PPIL3: variants seen among roughly 807,000 people sequenced by gnomAD.
PPIL3 encodes peptidylprolyl isomerase like 3.
In PPIL3, 13 loss-of-function variants were observed where a neutral mutation model predicts 20.9. That is an observed-to-expected ratio of 0.62 (90% CI 0.40 to 0.99). PPIL3 has a LOEUF of 0.99. Among genes scored for constraint, PPIL3 ranks in the 50% least tolerant of loss-of-function variants. The pLI is 0.00. For synonymous variants in PPIL3, 71 were observed against 64.4 expected (o/e 1.10, Z -0.49); for missense variants, 170 against 195.2 (o/e 0.87, Z 0.77).
intron 1 of PPIL3, chr2:200,888,562 G>A (rs553299921): frequency 2.2e-5 from 4 of 184,592 alleles, no homozygotes; most frequent in African/African-American, 9.5e-5. Context: ...TATGTCGCCA[G>A]GCTGGAGTGC....
intron 5 of PPIL3, among the ~76,000 whole-genome samples, chr2:200,877,772 T>C (rs1490033311): frequency 1.3e-5 from 2 of 152,166 alleles, no homozygotes; most frequent in Non-Finnish European, 2.9e-5. Flanking sequence ...AAATATATAT[T>C]TTTTAACTAA....
intron 6 of PPIL3, among the ~76,000 whole-genome samples, chr2:200,873,276 C>T (rs947270082): frequency 6.6e-6 from 1 of 151,336 alleles, no homozygotes; most frequent in African/African-American, 2.4e-5. Flanking sequence ...TCATTGTAGC[C>T]TCTTCCTTCA....
chr2:200,886,194 C>T (rs1453590449), intron 2 of PPIL3, among the ~76,000 whole-genome samples: 2 of 152,074 alleles, frequency 1.3e-5, no homozygotes. Context: ...CACCATTTTC[C>T]TTAGGTAATT....
At chr2:200,885,451 A>C in intron 3 of PPIL3, 2 of 405,950 alleles carry the variant, frequency 4.9e-6, no homozygotes, top group South Asian at 6.8e-5. Flanking sequence ...TTCCTGAAGA[A>C]AATTAGTTCA....
intron 6 of PPIL3, among the ~76,000 whole-genome samples, chr2:200,873,398 C>T (rs1470745422): frequency 6.6e-6 from 1 of 151,902 alleles, no homozygotes; most frequent in Non-Finnish European, 1.5e-5. Context: ...CCACATTGGC[C>T]AGGCTGGTCT....
Position 200,876,981 on chromosome 2 carries a change from A to T in PPIL3, c.297T>A (p.Ser99=). 6.2e-7 allele frequency: 1 copy of T among 1,614,008 alleles called. No homozygotes were observed. Among genetic ancestry groups the T allele is most frequent in the Non-Finnish European group, 8.5e-7 (1 of 1,179,844 alleles). Residue 99 remains serine (S), a synonymous_variant, in exon 6 of 7, where the codon TCT becomes TCA. Transcript: ENST00000392283. Reference sequence around the variant, plus strand: ...GTTTGCCATAGGTGATGAAGAACTGAGATCCATTGGTGTTCGGGCCATTAT... The same window carrying T: ...GTTTGCCATAGGTGATGAAGAACTGTGATCCATTGGTGTTCGGGCCATTAT... The part of the protein sequence containing the change: ...MANNGPNTNG[S]QFFITYGKQP...
At chr2:200,882,107 G>C (rs868360121) in intron 4 of PPIL3, among the ~76,000 whole-genome samples, 6 of 152,180 alleles carry the variant, frequency 3.9e-5, no homozygotes, top group African/African-American at 1.4e-4. Context: ...GCATTAGGAC[G>C]AATAGCTAAT....
intron 4 of PPIL3, 81 bp downstream of exon 4, chr2:200,882,260 AC>A: frequency 2.2e-6 from 2 of 922,444 alleles, no homozygotes; most frequent in Non-Finnish European, 3.5e-6. Context: ...CAAAAACTCC[AC>A]GTATTTAATT....
At chr2:200,888,668 G>GGC (rs2040069331) in intron 1 of PPIL3, 2 of 265,756 alleles carry the variant, frequency 7.5e-6, no homozygotes, top group Non-Finnish European at 1.5e-5. Flanking sequence ...TGGGACTACA[G>GGC]GCGCGCGCTA....
rs890120342 is a variant in PPIL3, at chr2:200,882,204, G to A, written c.172+138C>T. The stretch of plus-strand genomic sequence containing the variant: ...ATATACCTATGTAACAAACCTGCAT[G>A]TTCTGTACTTGTAGAACAGAACTTA... On this transcript the variant is annotated intron_variant, in intron 4 of 6. Transcript: ENST00000392283. 3 of 652,290 alleles carry A rather than the reference G, an allele frequency of 4.6e-6. No individual in the cohort carries two copies. In the African/African-American group the frequency reaches 5.4e-5, roughly 12 times the overall value. The allele number at this position is 652,290 out of a possible 1,614,324, so 40.4% of individuals were successfully genotyped here.
At chr2:200,881,827 TG>T (rs201203266) in intron 4 of PPIL3, 13,160 of 266,544 alleles carry the variant, frequency 0.049, 480 homozygotes, top group South Asian at 0.079. Context: ...AGCACAATAT[TG>T]TTCACATTTT....
Position 200,875,374 on chromosome 2 carries a change from T to G in PPIL3, c.359+1545A>C, listed in dbSNP as rs539998267. 9.2e-5 allele frequency among the ~76,000 whole-genome samples: 14 copies of G among 152,122 alleles called. 1 individual carries two copies. Among genetic ancestry groups the G allele is most frequent in the African/African-American group, 3.4e-4 (14 of 41,484 alleles). ...TCTCCACCTCCAGGGTTCAAGCCAT[T>G]CTCCTGCCTCAGCTTCCTGAGTAGC... On this transcript the variant is annotated intron_variant, in intron 6 of 6. Coordinates refer to ENST00000392283, the MANE Select transcript of PPIL3 (RefSeq NM_130906.3).
intron 5 of PPIL3, among the ~76,000 whole-genome samples, chr2:200,877,324 C>G (rs954686391): frequency 2.0e-5 from 3 of 152,212 alleles, no homozygotes; most frequent in African/African-American, 7.2e-5. Context: ...CAACTTCTCT[C>G]TATTAGGGAT....
At chr2:200,871,840 A>G (rs1393786709) in intron 6 of PPIL3, among the ~76,000 whole-genome samples, 1 of 152,256 alleles carries the variant, frequency 6.6e-6, no homozygotes, top group Non-Finnish European at 1.5e-5. Context: ...TAAAGGGAAA[A>G]CAAACTGTTT....
chr2:200,883,910 A>G (rs1260710583), intron 3 of PPIL3, among the ~76,000 whole-genome samples: 3 of 152,150 alleles, frequency 2.0e-5, no homozygotes, highest in Non-Finnish European at 4.4e-5. Flanking sequence ...CAACAGGGTC[A>G]CACCACAACA....
intron 5 of PPIL3, among the ~76,000 whole-genome samples, chr2:200,878,371 C>CT (rs930683136): frequency 5.0e-4 from 73 of 146,248 alleles, no homozygotes; most frequent in East Asian, 2.4e-3. Flanking sequence ...ATTCTAATAC[C>CT]TTTTTTTTTT....
At chr2:200,872,109 T>C (rs1246565077) in intron 6 of PPIL3, among the ~76,000 whole-genome samples, 7 of 152,166 alleles carry the variant, frequency 4.6e-5, no homozygotes, top group East Asian at 1.9e-4. Context: ...CAAGTCCCGA[T>C]TGTGATCTGT....
intron 2 of PPIL3, among the ~76,000 whole-genome samples, chr2:200,886,632 G>A (rs757383118): frequency 3.3e-5 from 5 of 152,088 alleles, no homozygotes; most frequent in Admixed American, 6.6e-5. Flanking sequence ...CACCATGTTG[G>A]CCAGGCTGGT....
At chr2:200,886,328 T>C (rs2039936775) in intron 2 of PPIL3, among the ~76,000 whole-genome samples, 2 of 152,190 alleles carry the variant, frequency 1.3e-5, no homozygotes, top group Admixed American at 6.5e-5. Flanking sequence ...TTGCTTTTTG[T>C]TTTTGTTGTA....
Sources: gnomAD v4.1 joint callset for allele counts (sites outside exome capture counted in the v4.1 genomes callset) on GRCh38, gnomAD v4.1.1 for gene constraint, MANE v1.5 for transcripts, NCBI Gene and HGNC (gene_info 2026-07-23, HGNC 2026-07-21) for gene names.